The following DOCK9 variants were observed in gnomAD, a reference collection of about 807,000 sequenced individuals.
The protein encoded by DOCK9 is dedicator of cytokinesis 9.
In DOCK9, 89 loss-of-function variants were observed where a neutral mutation model predicts 263.3. The observed-to-expected ratio is 0.34, with a 90% confidence interval of 0.28 to 0.40. DOCK9 has a LOEUF of 0.40. DOCK9 is among the 10% of genes least tolerant of loss of function. DOCK9 has a pLI of 1.00. For missense variants in DOCK9, 2,140 were observed against 2,603.4 expected, an observed-to-expected ratio of 0.82 and a Z score of 3.87; for synonymous variants, 976 against 973.1, an observed-to-expected ratio of 1.00 and a Z score of -0.06.
chr13:99,019,217 G>A (rs1228331156), intron 1 of DOCK9, among the ~76,000 whole-genome samples: 4 of 152,096 alleles, frequency 2.6e-5, no homozygotes, highest in Non-Finnish European at 5.9e-5. Flanking sequence ...GATTATGGAG[G>A]GCTAGGGAGA....
intron 7 of DOCK9, among the ~76,000 whole-genome samples, chr13:98,917,439 C>G (rs1383145396): frequency 6.6e-6 from 1 of 152,164 alleles, no homozygotes; most frequent in African/African-American, 2.4e-5. Context: ...CACTCTGGCA[C>G]TCCTTACTTC....
chr13:98,888,328 A>G, intron 17 of DOCK9, 32 bp downstream of exon 17: 5 of 1,607,842 alleles, frequency 3.1e-6, no homozygotes, highest in Non-Finnish European at 4.3e-6. Context: ...AGGGTTTGAC[A>G]TCAAGAATGA....
chr13:99,049,550 C>A (rs1164079878), intron 1 of DOCK9, among the ~76,000 whole-genome samples: 1 of 152,124 alleles, frequency 6.6e-6, no homozygotes, highest in East Asian at 1.9e-4. Context: ...CAGGGTCTTG[C>A]TCTGTTACCC....
intron 1 of DOCK9, among the ~76,000 whole-genome samples, chr13:99,050,224 T>C (rs1327077112): frequency 6.6e-6 from 1 of 152,156 alleles, no homozygotes; most frequent in East Asian, 1.9e-4. Flanking sequence ...ACTTTGGTAA[T>C]GCTTTAATTA....
intron 30 of DOCK9, among the ~76,000 whole-genome samples, chr13:98,863,835 T>C (rs1047728053): frequency 3.9e-5 from 6 of 152,218 alleles, no homozygotes; most frequent in Non-Finnish European, 7.3e-5. Flanking sequence ...GTGAACAGTT[T>C]AAGTACCAAT....
rs1176895923 is a variant in DOCK9 at position 98,902,999 on chromosome 13, G to A, written c.1149C>T (p.Ala383=). 27 of 1,506,626 alleles carry A rather than the reference G, an allele frequency of 1.8e-5. No homozygotes were observed. Among genetic ancestry groups the A allele is most frequent in the African/African-American group, 5.7e-5 (4 of 69,858 alleles). 93.3% of individuals were successfully genotyped at this position (1,506,626 alleles called of 1,614,324 possible). ...TTGTAGTGGGTCCTTCTTCATTTTC[G>A]GCAACACAGCATTGCAAATTGAAAG... is the stretch of plus-strand genomic sequence containing the variant. The part of the protein sequence containing the change: ...DLSFNLQCCV[A]ENEEGPTTNV... The change falls in exon 11 of 53, where the codon GCC becomes GCT. Residue 383 remains alanine, a synonymous_variant. Transcript: ENST00000682017.
chr13:99,070,127 A>G (rs185841133), intron 1 of DOCK9, among the ~76,000 whole-genome samples: 69 of 151,292 alleles, frequency 4.6e-4, no homozygotes, highest in Non-Finnish European at 7.8e-4. Flanking sequence ...TGTTGACAAT[A>G]TTTTTGCTTC....
chr13:98,961,771 G>C (rs2058665617), intron 1 of DOCK9, among the ~76,000 whole-genome samples: 1 of 152,172 alleles, frequency 6.6e-6, no homozygotes, highest in Non-Finnish European at 1.5e-5. Context: ...CTTGCCAGTG[G>C]TTCCCATACA....
chr13:98,800,493 C>T lies in DOCK9; in HGVS notation c.5726-15G>A, dbSNP rs777262850. ...GCAGTGTATGGCTGCAGAGGGTAAG[C>T]CCCAGAATTACTGCATGGCTTGCAC... On this transcript the variant is annotated splice_polypyrimidine_tract_variant and intron_variant, in intron 49 of 52. Transcript: ENST00000682017. 6.2e-7 allele frequency: 1 copy of T among 1,608,782 alleles called. No individual in the cohort carries two copies. Among genetic ancestry groups the T allele is most frequent in the South Asian group, 1.1e-5 (1 of 90,768 alleles).
At chr13:98,800,793 G>C (rs2090026127) in intron 49 of DOCK9, among the ~76,000 whole-genome samples, 1 of 152,116 alleles carries the variant, frequency 6.6e-6, no homozygotes, top group South Asian at 2.1e-4. Flanking sequence ...GTTTGAATGA[G>C]TTAGTGGATA....
At chr13:98,864,752 C>G (rs2093971167) in intron 30 of DOCK9, among the ~76,000 whole-genome samples, 1 of 152,144 alleles carries the variant, frequency 6.6e-6, no homozygotes, top group African/African-American at 2.4e-5. Flanking sequence ...GAAATGTGAT[C>G]CCCAGTGTTG....
At chr13:99,013,636 T>C (rs1390838514) in intron 1 of DOCK9, among the ~76,000 whole-genome samples, 2 of 152,046 alleles carry the variant, frequency 1.3e-5, no homozygotes, top group African/African-American at 4.8e-5. Context: ...ACGCAATGAA[T>C]GGTGCAATCC....
chr13:98,907,287 T>C (rs866584176), intron 9 of DOCK9, among the ~76,000 whole-genome samples: 2 of 152,228 alleles, frequency 1.3e-5, no homozygotes, highest in South Asian at 4.1e-4. Flanking sequence ...GCTTGAGCCC[T>C]TCAACAAAGG....
chr13:98,865,677 C>A (rs944882796), intron 30 of DOCK9, among the ~76,000 whole-genome samples: 19 of 152,178 alleles, frequency 1.2e-4, no homozygotes, highest in African/African-American at 4.6e-4. Context: ...GCAAAAAGAG[C>A]TCCCTGGGCT....
intron 1 of DOCK9, among the ~76,000 whole-genome samples, chr13:99,008,205 T>C (rs1295251367): frequency 1.7e-4 from 12 of 69,428 alleles, no homozygotes; most frequent in African/African-American, 5.7e-4. Context: ...TCTCTCTCTC[T>C]CTCTCTCTAT....
intron 1 of DOCK9, among the ~76,000 whole-genome samples, chr13:99,014,249 A>T (rs1885028938): frequency 6.6e-6 from 1 of 152,240 alleles, no homozygotes; most frequent in African/African-American, 2.4e-5. Flanking sequence ...CTGGTTATGG[A>T]TACACTAATG....
chr13:99,012,079 G>T (rs1884583660), intron 1 of DOCK9, among the ~76,000 whole-genome samples: 1 of 152,124 alleles, frequency 6.6e-6, no homozygotes, highest in Non-Finnish European at 1.5e-5. Context: ...GCCTCCCAAA[G>T]TGCTGGGACT....
At chr13:99,047,517 C>CTTTTTTTTTTTTT (rs80048308) in intron 1 of DOCK9, among the ~76,000 whole-genome samples, 1 of 127,024 alleles carries the variant, frequency 7.9e-6, no homozygotes, top group Admixed American at 8.1e-5. Flanking sequence ...GGTTCTAATC[C>CTTTTTTTTTTTTT]TTTTTTTTTT....
rs182319490 is a variant in DOCK9 at position 98,905,202 on chromosome 13, A to G, written c.961-496T>C. On this transcript the variant is annotated intron_variant, in intron 9 of 52. Transcript: ENST00000682017. ...AGGAATATATTTTGAATGATGAGAT[A>G]GAGAAAATGATGGCTGATCTTGAAG... is the stretch of plus-strand genomic sequence containing the variant. 8.9e-4 allele frequency among the ~76,000 whole-genome samples: 135 copies of G among 152,336 alleles called. 2 individuals are homozygous for G. Among genetic ancestry groups the G allele is most frequent in the African/African-American group, 3.2e-3 (132 of 41,586 alleles).
Sources: allele counts gnomAD v4.1 joint callset (sites outside exome capture counted in the v4.1 genomes callset), GRCh38; gene constraint gnomAD v4.1.1; transcripts MANE v1.5; gene names NCBI Gene and HGNC (gene_info 2026-07-23, HGNC 2026-07-21).